Variants in ZNF652 observed in about 807,000 individuals in gnomAD.
ZNF652 encodes zinc finger protein 652.
ZNF652 carries 16 observed loss-of-function variants against 45.2 expected under a neutral mutation model. The ratio of observed to expected loss-of-function variants is 0.35; its 90% CI spans 0.24 to 0.54. The LOEUF (loss-of-function observed/expected upper bound fraction) is 0.54, where lower values mean the gene tolerates loss of function less well. Ranked by LOEUF, ZNF652 falls within the 20% of genes least tolerant of loss-of-function variation. ZNF652 has a pLI of 0.91. For synonymous variants in ZNF652, 250 were observed against 260.6 expected (o/e 0.96, Z 0.39); for missense variants, 614 against 765.6 (o/e 0.80, Z 2.34).
chr17:49,347,688 C>T (rs1598314407), intron 1 of ZNF652, among the ~76,000 whole-genome samples: 1 of 151,636 alleles, frequency 6.6e-6, no homozygotes, highest in Non-Finnish European at 1.5e-5. Context: ...TACACCACTA[C>T]CTATTAAGTA....
intron 1 of ZNF652, among the ~76,000 whole-genome samples, chr17:49,357,841 C>T (rs1249876690): frequency 6.6e-6 from 1 of 152,144 alleles, no homozygotes; most frequent in Non-Finnish European, 1.5e-5. Context: ...CACCAAGTTC[C>T]GCCAGCCATA....
Position 49,362,043 on chromosome 17 carries a change from G to C in ZNF652, c.-393C>G, listed in dbSNP as rs1381528173. ...GCCCCTCCCCCCCTGCCCAACGTCT[G>C]TCCTCAGGGCCGCTCCTCAGACCCG... On this transcript the variant is annotated 5_prime_UTR_variant, in exon 1 of 6. Transcript: ENST00000430262. 2 of 149,162 alleles carry C rather than the reference G, an allele frequency of 1.3e-5. No homozygotes were observed. Among genetic ancestry groups the C allele is most frequent in the African/African-American group, 4.9e-5 (2 of 40,996 alleles). 9.2% of individuals were successfully genotyped at this position (149,162 alleles called of 1,614,324 possible).
At chr17:49,300,367 C>T (rs188265009) in intron 5 of ZNF652, among the ~76,000 whole-genome samples, 69 of 152,080 alleles carry the variant, frequency 4.5e-4, no homozygotes, top group African/African-American at 1.6e-3. Flanking sequence ...AGTGGGCCAG[C>T]GAGTCAAAAC....
rs1246007822 is a variant in ZNF652 at position 49,295,005 on chromosome 17, C to T, written c.*3408G>A. On this transcript the variant is annotated 3_prime_UTR_variant, in exon 6 of 6. Transcript: ENST00000430262. ...AAGAGGACCCCAACCAAATTTTCAA[C>T]CCTGAGTTTGAGTCTTAAGCATGTT... 2 of 152,154 alleles carry T rather than the reference C, an allele frequency of 1.3e-5. No individual in the cohort carries two copies. The highest frequency in any genetic ancestry group is 1.5e-5 in the Non-Finnish European group (1 of 68,042). The allele number at this position is 152,154 out of a possible 1,614,324, so 9.4% of individuals were successfully genotyped here.
At chr17:49,314,407 G>A (rs2069768588) in intron 2 of ZNF652, among the ~76,000 whole-genome samples, 1 of 152,002 alleles carries the variant, frequency 6.6e-6, no homozygotes, top group African/African-American at 2.4e-5. Context: ...TGATCTGCCC[G>A]CCTCAGCCTC....
At chr17:49,357,246 C>G (rs1022773836) in intron 1 of ZNF652, among the ~76,000 whole-genome samples, 1 of 151,704 alleles carries the variant, frequency 6.6e-6, no homozygotes, top group African/African-American at 2.4e-5. Flanking sequence ...TTGCAGTGAG[C>G]TGAGATCATG....
Position 49,298,889 on chromosome 17 carries a change from T to C in ZNF652, c.1345A>G (p.Ser449Gly), listed in dbSNP as rs1244433864. 3.7e-6 allele frequency: 6 copies of C among 1,612,734 alleles called. No homozygotes were observed. The South Asian group carries it at 6.6e-5, about 18-fold the overall frequency. The change falls in exon 6 of 6, where the codon AGC (serine) becomes GGC (glycine). Residue 449 changes from serine to glycine, a missense_variant. Ser to Gly is a moderately conservative substitution (Grantham distance 56, BLOSUM62 0). Coordinates refer to ENST00000430262, the MANE Select transcript of ZNF652 (RefSeq NM_001145365.3). Reference protein sequence around the residue: ...KPFICEICGKSFTSRPNMKRH... With the variant: ...KPFICEICGKGFTSRPNMKRH... ...TTCATGTTGGGGCGGCTGGTGAAGC[T>C]TTTGCCACAGATTTCACAGATAAAG...
intron 1 of ZNF652, among the ~76,000 whole-genome samples, chr17:49,333,104 C>T (rs929513572): frequency 6.6e-6 from 1 of 151,544 alleles, no homozygotes. Context: ...GTCGCCCAGG[C>T]TGGAGTGCAG....
intron 1 of ZNF652, among the ~76,000 whole-genome samples, chr17:49,356,400 G>GC (rs1366719851): frequency 1.6e-5 from 2 of 122,764 alleles, no homozygotes; most frequent in Non-Finnish European, 3.2e-5. Flanking sequence ...CTGCACTTCA[G>GC]CCTGGGGGAC....
chr17:49,342,514 G>C (rs779581947), intron 1 of ZNF652, among the ~76,000 whole-genome samples: 2 of 129,730 alleles, frequency 1.5e-5, no homozygotes, highest in Non-Finnish European at 3.1e-5. Flanking sequence ...TGCAACTTTC[G>C]AGCAAGACTT....
chr17:49,342,565 G>C (rs2070160140), intron 1 of ZNF652, among the ~76,000 whole-genome samples: 1 of 136,580 alleles, frequency 7.3e-6, no homozygotes, highest in Non-Finnish European at 1.6e-5. Flanking sequence ...GGGGGGGGGG[G>C]GGGGGGAATC....
At chr17:49,336,413 G>A (rs922870736) in intron 1 of ZNF652, among the ~76,000 whole-genome samples, 7 of 140,908 alleles carry the variant, frequency 5.0e-5, no homozygotes, top group African/African-American at 1.3e-4. Context: ...CACTGCAACC[G>A]CTACCTCCCA....
chr17:49,360,793 T>C (rs1054856770), intron 1 of ZNF652, among the ~76,000 whole-genome samples: 4 of 152,000 alleles, frequency 2.6e-5, no homozygotes, highest in African/African-American at 9.7e-5. Flanking sequence ...ACCCTACGAA[T>C]ACATTATGCC....
chr17:49,315,261 G>C (rs945530425), intron 2 of ZNF652, among the ~76,000 whole-genome samples: 5 of 149,732 alleles, frequency 3.3e-5, no homozygotes, highest in Non-Finnish European at 5.9e-5. Flanking sequence ...GGCTGGTCTC[G>C]AACTCCTGAC....
In ZNF652 at chr17:49,290,641, G is replaced by A. The variant is rs2069393679; in HGVS notation, c.*7772C>T. The A allele has an allele frequency of 6.6e-6, 1 of 152,194 alleles. No homozygotes were observed. Among genetic ancestry groups the A allele is most frequent in the South Asian group, 2.1e-4 (1 of 4,824 alleles). The allele number at this position is 152,194 out of a possible 1,614,324, so 9.4% of individuals were successfully genotyped here. A position where few individuals can be genotyped will look rare whatever the true frequency, so the allele number is the denominator to read the frequency against. On this transcript the variant is annotated 3_prime_UTR_variant, in exon 6 of 6. Transcript: ENST00000430262. ...TTAGCACACAAAGGCGCCCCTATGG[G>A]AAGGTCCTGGCTTTCAATCTGGGGA...
At chr17:49,353,482 ATTT>A (rs903786889) in intron 1 of ZNF652, among the ~76,000 whole-genome samples, 1 of 147,964 alleles carries the variant, frequency 6.8e-6, no homozygotes, top group South Asian at 2.1e-4. Flanking sequence ...ATTCTTTAAA[ATTT>A]TTTTTTTTTG....
intron 1 of ZNF652, among the ~76,000 whole-genome samples, chr17:49,331,322 C>T (rs922016275): frequency 2.0e-5 from 3 of 151,856 alleles, no homozygotes; most frequent in South Asian, 2.1e-4. Context: ...GGGCTTTCAC[C>T]GTGTTAGCCA....
chr17:49,318,456 A>G (rs1183617547), intron 1 of ZNF652, among the ~76,000 whole-genome samples: 1 of 152,260 alleles, frequency 6.6e-6, no homozygotes, highest in Non-Finnish European at 1.5e-5. Context: ...ACTGGATTAC[A>G]GGAATTCATA....
intron 1 of ZNF652, among the ~76,000 whole-genome samples, chr17:49,346,646 T>C (rs2070208302): frequency 6.6e-6 from 1 of 152,230 alleles, no homozygotes; most frequent in African/African-American, 2.4e-5. Flanking sequence ...TTTTAGACAT[T>C]CTTCTCATTT....
Sources: gnomAD v4.1 joint callset for allele counts (sites outside exome capture counted in the v4.1 genomes callset) on GRCh38, gnomAD v4.1.1 for gene constraint, MANE v1.5 for transcripts, NCBI Gene and HGNC (gene_info 2026-07-23, HGNC 2026-07-21) for gene names.